Variants in SGIP1 observed in about 807,000 individuals in gnomAD.
The protein encoded by SGIP1 is SH3GL interacting endocytic adaptor 1, also known as SH3-containing GRB2-like protein 3-interacting protein 1.
Under a neutral mutation model 107.5 loss-of-function variants are expected in SGIP1, and 38 were observed. The ratio of observed to expected loss-of-function variants is 0.35; its 90% CI spans 0.27 to 0.46. The LOEUF is 0.46. SGIP1 is among the 20% of genes least tolerant of loss of function. SGIP1 has a pLI of 1.00. For synonymous variants in SGIP1, 365 were observed against 366.1 expected (o/e 1.00, Z 0.03); for missense variants, 929 against 1,019.5 (o/e 0.91, Z 1.21).
At chr1:66,553,172 C>T (rs2057685654) in intron 1 of SGIP1, among the ~76,000 whole-genome samples, 1 of 152,140 alleles carries the variant, frequency 6.6e-6, no homozygotes, top group Non-Finnish European at 1.5e-5. Context: ...GGAATGGTGG[C>T]TTCCTGTTCA....
At chr1:66,566,868 C>G (rs1437411737) in intron 1 of SGIP1, among the ~76,000 whole-genome samples, 1 of 151,932 alleles carries the variant, frequency 6.6e-6, no homozygotes, top group Admixed American at 6.6e-5. Flanking sequence ...CCTTGCCCCC[C>G]ACCCCCTAAC....
At chr1:66,561,717 C>T (rs1487974763) in intron 1 of SGIP1, among the ~76,000 whole-genome samples, 3 of 152,004 alleles carry the variant, frequency 2.0e-5, no homozygotes, top group East Asian at 1.9e-4. Context: ...TCCCACCTGT[C>T]GGACTCTCTT....
At chr1:66,533,679 G>A (rs998256576), upstream of SGIP1, 1 of 152,320 alleles carries the variant, frequency 6.6e-6, no homozygotes, top group Non-Finnish European at 1.5e-5. Flanking sequence ...CAGGGTAAAA[G>A]GACACCGGAA....
At chr1:66,664,824 T>C (rs544633935) in intron 8 of SGIP1, among the ~76,000 whole-genome samples, 52 of 152,328 alleles carry the variant, frequency 3.4e-4, no homozygotes, top group African/African-American at 1.2e-3. Flanking sequence ...CCTACTCACA[T>C]GCTAGTCACT....
At chr1:66,625,439 G>A (rs996846891) in intron 1 of SGIP1, among the ~76,000 whole-genome samples, 3 of 152,130 alleles carry the variant, frequency 2.0e-5, no homozygotes, top group Non-Finnish European at 2.9e-5. Context: ...TCTTGGCATG[G>A]GCCACATGAT....
At chr1:66,555,621 C>T (rs1450533996) in intron 1 of SGIP1, among the ~76,000 whole-genome samples, 1 of 152,112 alleles carries the variant, frequency 6.6e-6, no homozygotes, top group Non-Finnish European at 1.5e-5. Flanking sequence ...TTTTCTAAAC[C>T]CCAATGGCAT....
rs57652443 is a variant in SGIP1 at position 66,715,758 on chromosome 1, A to G, written c.1631-3536A>G. 3.3e-3 allele frequency among the ~76,000 whole-genome samples: 497 copies of G among 152,250 alleles called. 2 individuals are homozygous for G. Among genetic ancestry groups the G allele is most frequent in the African/African-American group, 0.011 (443 of 41,552 alleles). On this transcript the variant is annotated intron_variant, in intron 18 of 24. Transcript: ENST00000371037. ...CTAAAACCTCCAGGTGCTTTTTTTC[A>G]CATATTCTTCTACCAAGCAAGTTTT...
At chr1:66,650,285 G>A (rs560840410) in intron 7 of SGIP1, among the ~76,000 whole-genome samples, 12 of 152,134 alleles carry the variant, frequency 7.9e-5, no homozygotes, top group Admixed American at 3.9e-4. Flanking sequence ...GTACTTCTTC[G>A]GGAGACTTAT....
At chr1:66,674,331 A>G (rs909607674) in intron 12 of SGIP1, among the ~76,000 whole-genome samples, 12 of 152,228 alleles carry the variant, frequency 7.9e-5, no homozygotes, top group Admixed American at 6.5e-4. Flanking sequence ...TTACTGACAT[A>G]AAATCAGCTC....
At chr1:66,656,789 T>A (rs182351629) in intron 7 of SGIP1, among the ~76,000 whole-genome samples, 11 of 152,278 alleles carry the variant, frequency 7.2e-5, no homozygotes, top group Admixed American at 7.2e-4. Flanking sequence ...AAATGAATAA[T>A]CCTTTTGCTC....
chr1:66,608,707 C>T (rs2067325044), intron 1 of SGIP1, among the ~76,000 whole-genome samples: 1 of 152,178 alleles, frequency 6.6e-6, no homozygotes, highest in African/African-American at 2.4e-5. Flanking sequence ...TGATTTTCTG[C>T]TGTTTTTCTA....
chr1:66,601,534 A>T (rs4655634), intron 1 of SGIP1, among the ~76,000 whole-genome samples: 37,767 of 148,372 alleles, frequency 0.25, 5,246 homozygotes, highest in East Asian at 0.57. Context: ...TGTGTGTGTG[A>T]GAGAGAGAGA....
intron 1 of SGIP1, among the ~76,000 whole-genome samples, chr1:66,569,013 A>G (rs1173745080): frequency 6.6e-6 from 1 of 152,002 alleles, no homozygotes; most frequent in African/African-American, 2.4e-5. Context: ...CAATATGCTC[A>G]GGAATGCAGG....
chr1:66,631,873 C>T (rs750427068), intron 2 of SGIP1, among the ~76,000 whole-genome samples: 6 of 152,162 alleles, frequency 3.9e-5, no homozygotes, highest in Non-Finnish European at 5.9e-5. Context: ...TAATGAGGCT[C>T]CCTTTCGAAG....
rs752008214 is a variant in SGIP1 at position 66,534,323 on chromosome 1, G to C, written c.-36G>C. On this transcript the variant is annotated 5_prime_UTR_variant, in exon 1 of 25. Coordinates refer to ENST00000371037, the MANE Select transcript of SGIP1 (RefSeq NM_032291.4). The stretch of plus-strand genomic sequence containing the variant: ...AATCGTATCCTCCTGTGTTTTTTCA[G>C]ACTCCTTGGAAATTAAGGAATGCAA... 9 of 1,613,464 alleles carry C rather than the reference G, an allele frequency of 5.6e-6. No individual in the cohort carries two copies. In the East Asian group the frequency reaches 2.0e-4, roughly 36 times the overall value.
intron 18 of SGIP1, among the ~76,000 whole-genome samples, chr1:66,714,124 A>C (rs1284809118): frequency 6.6e-6 from 1 of 152,144 alleles, no homozygotes; most frequent in Non-Finnish European, 1.5e-5. Context: ...TTTCAAGTAC[A>C]TACCATGTTA....
chr1:66,738,699 G>A (rs749176395), intron 21 of SGIP1, among the ~76,000 whole-genome samples: 1 of 152,196 alleles, frequency 6.6e-6, no homozygotes, highest in African/African-American at 2.4e-5. Context: ...CTCCCTTTGG[G>A]ATTTGCCAAA....
chr1:66,677,560 C>T (rs2085672285), intron 13 of SGIP1, among the ~76,000 whole-genome samples: 1 of 152,072 alleles, frequency 6.6e-6, no homozygotes, highest in Non-Finnish European at 1.5e-5. Context: ...AGAACTGAGG[C>T]TATATGGTAG....
In SGIP1 at chr1:66,633,142, G is replaced by T. The variant is rs761150047; in HGVS notation, c.99+48G>T. 9.5e-6 allele frequency: 12 copies of T among 1,261,406 alleles called. No homozygotes were observed. In the South Asian group the frequency reaches 1.4e-4, roughly 15 times the overall value. 78.1% of individuals were successfully genotyped at this position (1,261,406 alleles called of 1,614,324 possible). A position where few individuals can be genotyped will look rare whatever the true frequency, so the allele number is the denominator to read the frequency against. On this transcript the variant is annotated intron_variant, in intron 3 of 24. Transcript: ENST00000371037. ...TTACTGAGTTTGTGCTTCAATATAT[G>T]CTATGTTTAAATTTCTCAAAGCCCT...
Sources: allele counts gnomAD v4.1 joint callset (sites outside exome capture counted in the v4.1 genomes callset), GRCh38; gene constraint gnomAD v4.1.1; transcripts MANE v1.5; gene names NCBI Gene and HGNC (gene_info 2026-07-23, HGNC 2026-07-21).